Variants in ZPBP observed in about 807,000 individuals in gnomAD.
The protein encoded by ZPBP is zona pellucida-binding protein 1.
ZPBP carries 26 observed loss-of-function variants against 44.8 expected under a neutral mutation model. The observed-to-expected ratio is 0.58, with a 90% CI of 0.43 to 0.81. The LOEUF (loss-of-function observed/expected upper bound fraction) is 0.81, where lower values mean the gene tolerates loss of function less well. Among genes scored for constraint, ZPBP ranks in the 30% least tolerant of loss-of-function variants. The probability of loss-of-function intolerance (pLI) is 0.00; values close to 1 mark genes in which losing one functional copy is unlikely to be tolerated. For missense variants in ZPBP, 409 were observed against 434.0 expected (o/e 0.94, Z 0.51); for synonymous variants, 174 against 153.2 (o/e 1.14, Z -1.00).
intron 7 of ZPBP, among the ~76,000 whole-genome samples, chr7:49,982,309 T>TATATAATTATACATAATA (rs372716322): frequency 5.7e-5 from 1 of 17,428 alleles, no homozygotes; most frequent in South Asian, 1.3e-3. Context: ...TAATATATAA[T>TATATAATTATACATAATA]TATATAATAT....
intron 6 of ZPBP, among the ~76,000 whole-genome samples, chr7:50,003,989 GA>G (rs1478284720): frequency 6.6e-6 from 1 of 152,050 alleles, no homozygotes; most frequent in African/African-American, 2.4e-5. Context: ...AGCAGTTTAT[GA>G]ACAAAATTAG....
At chr7:50,039,770 T>C (rs1799980287) in intron 4 of ZPBP, among the ~76,000 whole-genome samples, 1 of 152,150 alleles carries the variant, frequency 6.6e-6, no homozygotes, top group South Asian at 2.1e-4. Context: ...ATTTGAAAGA[T>C]ACAAAATTAC....
At chr7:49,859,810 A>G (rs569905) in intron 2 of ZPBP, among the ~76,000 whole-genome samples, 2 of 151,600 alleles carry the variant, frequency 1.3e-5, no homozygotes, top group Admixed American at 1.3e-4. Context: ...ACACACACAC[A>G]CACACACACA....
chr7:49,855,438 A>T (rs916443534), intron 2 of ZPBP, among the ~76,000 whole-genome samples: 6 of 152,190 alleles, frequency 3.9e-5, no homozygotes, highest in Non-Finnish European at 8.8e-5. Context: ...TCCAGAGAGC[A>T]GGCTTTCAGG....
chr7:50,049,384 T>C (rs1347121410), intron 4 of ZPBP, among the ~76,000 whole-genome samples: 1 of 151,960 alleles, frequency 6.6e-6, no homozygotes, highest in Non-Finnish European at 1.5e-5. Flanking sequence ...GTATCTCTTA[T>C]GAACACAAAT....
intron 2 of ZPBP, among the ~76,000 whole-genome samples, chr7:49,895,424 A>T (rs79098604): frequency 0.029 from 4,475 of 152,294 alleles, 113 homozygotes; most frequent in Middle Eastern, 0.085. Flanking sequence ...AGCAGGGTGG[A>T]CATACTCATG....
At chr7:49,951,969 A>G (rs1795362871) in intron 7 of ZPBP, among the ~76,000 whole-genome samples, 1 of 151,902 alleles carries the variant, frequency 6.6e-6, no homozygotes, top group Admixed American at 6.6e-5. Flanking sequence ...AGCCAGATAC[A>G]AAATAATACA....
At chr7:49,949,167 G>A (rs1392947734) in intron 7 of ZPBP, among the ~76,000 whole-genome samples, 2 of 152,142 alleles carry the variant, frequency 1.3e-5, no homozygotes, top group African/African-American at 4.8e-5. Context: ...CTGAAATCAA[G>A]AAGAGAGCCC....
At chr7:49,911,970 A>G (rs1696506364) in intron 1 of ZPBP, 2 of 1,129,016 alleles carry the variant, frequency 1.8e-6, no homozygotes, top group African/African-American at 3.6e-5. Flanking sequence ...AATGCTTAAT[A>G]CCTAATTATA....
chr7:49,892,171 A>C (rs959226486), intron 2 of ZPBP, among the ~76,000 whole-genome samples: 3 of 148,852 alleles, frequency 2.0e-5, no homozygotes, highest in Non-Finnish European at 3.0e-5. Context: ...CAGCCTCCCG[A>C]GTAGCTGGGA....
At chr7:50,009,067 T>C (rs1798445125) in intron 6 of ZPBP, among the ~76,000 whole-genome samples, 1 of 151,572 alleles carries the variant, frequency 6.6e-6, no homozygotes, top group East Asian at 1.9e-4. Flanking sequence ...AACCAAGTCA[T>C]TACTAAAAAT....
intron 4 of ZPBP, among the ~76,000 whole-genome samples, chr7:50,046,719 T>C (rs1315120884): frequency 6.6e-6 from 1 of 152,192 alleles, no homozygotes; most frequent in East Asian, 1.9e-4. Context: ...AGTTCAACCA[T>C]TGTGGAAGAC....
At chr7:50,000,590 T>C (rs1425340784) in intron 6 of ZPBP, among the ~76,000 whole-genome samples, 1 of 152,174 alleles carries the variant, frequency 6.6e-6, no homozygotes, top group African/African-American at 2.4e-5. Context: ...AACTTTGGAC[T>C]GAAAGCAAAA....
At chr7:50,078,271 G>A (rs1020949755) in intron 3 of ZPBP, among the ~76,000 whole-genome samples, 2 of 151,592 alleles carry the variant, frequency 1.3e-5, no homozygotes, top group Non-Finnish European at 3.0e-5. Flanking sequence ...TTAGGGGGAA[G>A]TGGGGATGAT....
At chr7:49,904,417 A>T (rs1006221734) in intron 1 of ZPBP, among the ~76,000 whole-genome samples, 6 of 152,238 alleles carry the variant, frequency 3.9e-5, no homozygotes, top group Non-Finnish European at 8.8e-5. Context: ...AATAAAACAA[A>T]TTTTTAAAAA....
chr7:50,059,104 G>C (rs1801118425), intron 3 of ZPBP, among the ~76,000 whole-genome samples: 1 of 152,058 alleles, frequency 6.6e-6, no homozygotes, highest in Non-Finnish European at 1.5e-5. Flanking sequence ...AAAATTCTTA[G>C]GTATTAAAAT....
chr7:49,972,191 G>A (rs938066096), intron 7 of ZPBP, among the ~76,000 whole-genome samples: 2 of 151,386 alleles, frequency 1.3e-5, no homozygotes, highest in Non-Finnish European at 3.0e-5. Context: ...AACAGGGCAA[G>A]GGTGTCTACT....
At chr7:50,002,347 C>T (rs1798136730) in intron 6 of ZPBP, among the ~76,000 whole-genome samples, 1 of 152,110 alleles carries the variant, frequency 6.6e-6, no homozygotes, top group Non-Finnish European at 1.5e-5. Context: ...CTGCCCTTGA[C>T]ATGTGGAGAT....
chr7:50,041,146 C>T (rs545944043), intron 4 of ZPBP, among the ~76,000 whole-genome samples: 12 of 152,210 alleles, frequency 7.9e-5, no homozygotes, highest in Non-Finnish European at 1.5e-4. Context: ...GAAAGAAAGG[C>T]AGCAGCCCCA....
Sources: gnomAD v4.1 joint callset for allele counts (sites outside exome capture counted in the v4.1 genomes callset) on GRCh38, gnomAD v4.1.1 for gene constraint, MANE v1.5 for transcripts, NCBI Gene and HGNC (gene_info 2026-07-23, HGNC 2026-07-21) for gene names.